CNOT6L: variants seen among roughly 807,000 people sequenced by gnomAD.
CNOT6L encodes the protein CCR4-NOT transcription complex subunit 6 like.
Under a neutral mutation model 64.0 loss-of-function variants are expected in CNOT6L, and 7 were observed. The ratio of observed to expected loss-of-function variants is 0.11; its 90% confidence interval spans 0.06 to 0.21. CNOT6L has a LOEUF of 0.21. Ranked by LOEUF, CNOT6L falls within the 10% of genes least tolerant of loss-of-function variation. The pLI, the probability that CNOT6L is intolerant of heterozygous loss-of-function variation, is 1.00. For synonymous variants in CNOT6L, 193 were observed against 243.4 expected, an observed-to-expected ratio of 0.79 and a Z score of 1.93; for missense variants, 245 against 669.0, an observed-to-expected ratio of 0.37 and a Z score of 6.99.
intron 1 of CNOT6L, among the ~76,000 whole-genome samples, chr4:77,809,881 C>T (rs964448855): frequency 1.3e-5 from 2 of 152,048 alleles, no homozygotes; most frequent in Non-Finnish European, 2.9e-5. Flanking sequence ...GTTTTAATCT[C>T]TATTTTGTGT....
intron 1 of CNOT6L, among the ~76,000 whole-genome samples, chr4:77,783,455 T>A (rs976777239): frequency 2.0e-5 from 3 of 152,360 alleles, no homozygotes; most frequent in Non-Finnish European, 4.4e-5. Context: ...AATTTGGCAT[T>A]TCTTGTTACT....
At chr4:77,774,848 T>C (rs1727985525) in intron 2 of CNOT6L, 132 bp from the exon 3 acceptor site, 2 of 557,422 alleles carry the variant, frequency 3.6e-6, no homozygotes, top group Non-Finnish European at 6.0e-6. Context: ...TTTAATTTTT[T>C]ATTTAATGCC....
In CNOT6L at chr4:77,803,078, T is replaced by C. The variant is rs571034113; in HGVS notation, c.5+16226A>G. 5.3e-5 allele frequency among the ~76,000 whole-genome samples: 8 copies of C among 152,214 alleles called. No individual in the cohort carries two copies. In the South Asian group the frequency reaches 1.2e-3, roughly 24 times the overall value. ...TGGAACAAAGTCTCTGCAATATTGA[T>C]AATGAGCAATAAGGTAATGTTTCTA... On this transcript the variant is annotated intron_variant, in intron 1 of 11. Transcript: ENST00000504123.
At chr4:77,748,879 G>C (rs1296818320) in intron 5 of CNOT6L, among the ~76,000 whole-genome samples, 1 of 152,114 alleles carries the variant, frequency 6.6e-6, no homozygotes, top group Non-Finnish European at 1.5e-5. Context: ...CAAAACAAGA[G>C]ATAAGGATAG....
chr4:77,786,645 T>A (rs915456566), intron 1 of CNOT6L, among the ~76,000 whole-genome samples: 6 of 151,748 alleles, frequency 4.0e-5, no homozygotes, highest in African/African-American at 1.5e-4. Context: ...CCTGGCTAAT[T>A]TTTGTATTTT....
intron 1 of CNOT6L, among the ~76,000 whole-genome samples, chr4:77,803,496 G>GT (rs1731840875): frequency 6.6e-6 from 1 of 152,104 alleles, no homozygotes; most frequent in South Asian, 2.1e-4. Flanking sequence ...GTTTATACAA[G>GT]TTTTTTCACT....
At chr4:77,728,014 A>G (rs1353671221) in intron 10 of CNOT6L, among the ~76,000 whole-genome samples, 1 of 152,188 alleles carries the variant, frequency 6.6e-6, no homozygotes, top group Non-Finnish European at 1.5e-5. Flanking sequence ...AAAATTTAGC[A>G]TATGCTTTGG....
intron 1 of CNOT6L, among the ~76,000 whole-genome samples, chr4:77,781,689 G>A (rs1728873330): frequency 1.4e-5 from 2 of 140,484 alleles, no homozygotes; most frequent in Non-Finnish European, 1.5e-5. Context: ...CTAAGCTTCT[G>A]TAAATACTGG....
chr4:77,790,026 A>C (rs1165803384), intron 1 of CNOT6L, among the ~76,000 whole-genome samples: 1 of 151,872 alleles, frequency 6.6e-6, no homozygotes, highest in Admixed American at 6.6e-5. Context: ...TTAAATATAA[A>C]GCATGCCCTA....
intron 1 of CNOT6L, among the ~76,000 whole-genome samples, chr4:77,783,649 A>G (rs1399751347): frequency 6.6e-6 from 1 of 152,294 alleles, no homozygotes; most frequent in Middle Eastern, 3.4e-3. Context: ...GACAAGAATG[A>G]GAAGTTTTAA....
At chr4:77,819,205 C>G (rs778371331) in intron 1 of CNOT6L, 99 bp downstream of exon 1, 4 of 1,609,854 alleles carry the variant, frequency 2.5e-6, no homozygotes, top group Non-Finnish European at 3.4e-6. Context: ...AACTCGCACA[C>G]CCACACGCAC....
At chr4:77,774,457 A>T in intron 3 of CNOT6L, 73 bp downstream of exon 3, 2 of 1,206,586 alleles carry the variant, frequency 1.7e-6, no homozygotes, top group South Asian at 3.0e-5. Context: ...TCCTACTGTA[A>T]TAAAGTAACA....
At chr4:77,790,870 G>A (rs1239441055) in intron 1 of CNOT6L, among the ~76,000 whole-genome samples, 1 of 149,730 alleles carries the variant, frequency 6.7e-6, no homozygotes, top group East Asian at 2.0e-4. Context: ...ATCTTGGCCA[G>A]GCTGGTCTCG....
chr4:77,752,491 T>A, intron 5 of CNOT6L, among the ~76,000 whole-genome samples: 1 of 152,280 alleles, frequency 6.6e-6, no homozygotes, highest in Non-Finnish European at 1.5e-5. Context: ...GCAGAGGTAA[T>A]AAATATTTTT....
chr4:77,767,062 C>CAA (rs56926683), intron 4 of CNOT6L, among the ~76,000 whole-genome samples: 931 of 24,968 alleles, frequency 0.037, 50 homozygotes, highest in African/African-American at 0.099. Flanking sequence ...AACTCCGTCT[C>CAA]AAAAAAAAAA....
intron 11 of CNOT6L, among the ~76,000 whole-genome samples, chr4:77,724,357 G>C (rs1175926278): frequency 6.6e-6 from 1 of 150,910 alleles, no homozygotes; most frequent in African/African-American, 2.4e-5. Context: ...AAAAAATCTA[G>C]GCTGGGTAGG....
At chr4:77,782,262 T>C (rs2110083488) in intron 1 of CNOT6L, among the ~76,000 whole-genome samples, 1 of 152,334 alleles carries the variant, frequency 6.6e-6, no homozygotes, top group East Asian at 1.9e-4. Context: ...TCTGTGTTTA[T>C]CTTGCTTAAC....
At position 77,715,032 on chromosome 4, in the gene CNOT6L, AG is replaced by A. The variant is rs951346010; in HGVS notation, c.*5398del. ...GAAAGACAATACATCAGTGATTTGA[AG>A]TTAATACGAAACTGAAATGAGCAAG... On this transcript the variant is annotated 3_prime_UTR_variant, in exon 12 of 12. Coordinates refer to ENST00000504123, the MANE Select transcript of CNOT6L (RefSeq NM_144571.3). 1.3e-5 allele frequency: 2 copies of A among 152,250 alleles called. No homozygotes were observed. Among genetic ancestry groups the A allele is most frequent in the African/African-American group, 2.4e-5 (1 of 41,450 alleles). 9.4% of individuals were successfully genotyped at this position (152,250 alleles called of 1,614,324 possible).
At chr4:77,814,133 T>C (rs1412973741) in intron 1 of CNOT6L, among the ~76,000 whole-genome samples, 3 of 152,144 alleles carry the variant, frequency 2.0e-5, no homozygotes, top group South Asian at 4.1e-4. Flanking sequence ...TAAACGACCA[T>C]ATATTAAGAT....
Sources: allele counts gnomAD v4.1 joint callset (sites outside exome capture counted in the v4.1 genomes callset), GRCh38; gene constraint gnomAD v4.1.1; transcripts MANE v1.5; gene names NCBI Gene and HGNC (gene_info 2026-07-23, HGNC 2026-07-21).